The following STAU2 variants were observed in gnomAD, a reference collection of about 807,000 sequenced individuals.
The protein encoded by STAU2 is staufen double-stranded RNA binding protein 2, also known as double-stranded RNA-binding protein Staufen homolog 2.
In STAU2, 20 loss-of-function variants were observed where a neutral mutation model predicts 65.9. The observed-to-expected ratio is 0.30, with a 90% CI of 0.21 to 0.44. The LOEUF (loss-of-function observed/expected upper bound fraction) is 0.44. Among genes scored for constraint, STAU2 ranks in the 20% least tolerant of loss-of-function variants. STAU2 has a pLI of 1.00. For synonymous variants in STAU2, 232 were observed against 233.9 expected, an observed-to-expected ratio of 0.99 and a Z score of 0.07; for missense variants, 558 against 683.9, an observed-to-expected ratio of 0.82 and a Z score of 2.05.
intron 7 of STAU2, 28 bp downstream of exon 7, chr8:73,617,264 C>A: frequency 6.2e-7 from 1 of 1,605,108 alleles, no homozygotes; most frequent in South Asian, 1.1e-5. Flanking sequence ...GTAGAAAGAA[C>A]AGACTGTCAC....
intron 13 of STAU2, among the ~76,000 whole-genome samples, chr8:73,475,822 C>T (rs1206882242): frequency 1.3e-5 from 2 of 152,174 alleles, no homozygotes; most frequent in East Asian, 3.9e-4. Flanking sequence ...GACTAGAATT[C>T]AGGTTCCCTA....
intron 4 of STAU2, among the ~76,000 whole-genome samples, chr8:73,693,125 C>T (rs1037234639): frequency 6.6e-6 from 1 of 151,934 alleles, no homozygotes; most frequent in Admixed American, 6.6e-5. Flanking sequence ...TGCACAACTG[C>T]ACTCCAGCCT....
intron 13 of STAU2, among the ~76,000 whole-genome samples, chr8:73,446,579 A>T (rs1409941577): frequency 6.6e-6 from 1 of 152,218 alleles, no homozygotes; most frequent in African/African-American, 2.4e-5. Flanking sequence ...ATGCAAGGTA[A>T]AACAAGAACA....
At chr8:73,607,043 T>A (rs1385083145) in intron 9 of STAU2, among the ~76,000 whole-genome samples, 3 of 152,112 alleles carry the variant, frequency 2.0e-5, no homozygotes, top group African/African-American at 7.2e-5. Context: ...CTGGGAGGAA[T>A]GGATGGGTTC....
At chr8:73,700,657 A>G (rs1820032850) in intron 4 of STAU2, among the ~76,000 whole-genome samples, 1 of 152,054 alleles carries the variant, frequency 6.6e-6, no homozygotes, top group Non-Finnish European at 1.5e-5. Context: ...AACACTGATG[A>G]AAGAAACTGA....
In STAU2 at chr8:73,591,920, G is replaced by C. The variant is rs373896358; in HGVS notation, c.1161+3246C>G. On this transcript the variant is annotated intron_variant, in intron 11 of 14. Coordinates refer to ENST00000524300, the MANE Select transcript of STAU2 (RefSeq NM_001164380.2). ...AAAAAAAAAAAAAAAAAAAACAAGA[G>C]AGAGACAAGAAAAACCCAACTTGTC... 4.1e-3 allele frequency among the ~76,000 whole-genome samples: 351 copies of C among 86,376 alleles called. 4 individuals are homozygous for C. The highest frequency in any genetic ancestry group is 0.015 in the African/African-American group (313 of 20,524). The allele number at this position is 86,376 out of a possible 152,430, so 56.7% of individuals were successfully genotyped here.
chr8:73,669,176 C>A (rs551160796), intron 6 of STAU2: 30 of 683,296 alleles, frequency 4.4e-5, no homozygotes, highest in East Asian at 4.0e-4. Flanking sequence ...GTTAGGTCTG[C>A]GCTTCTGTGA....
intron 10 of STAU2, among the ~76,000 whole-genome samples, chr8:73,598,826 T>A (rs1272308660): frequency 6.6e-6 from 1 of 152,086 alleles, no homozygotes; most frequent in African/African-American, 2.4e-5. Flanking sequence ...AAGCTCAGTA[T>A]GAAAAAGAGG....
chr8:73,472,690 AT>A (rs1455437881), intron 13 of STAU2, among the ~76,000 whole-genome samples: 1 of 152,204 alleles, frequency 6.6e-6, no homozygotes, highest in Non-Finnish European at 1.5e-5. Flanking sequence ...AGGATGGCTC[AT>A]ATAATAGAGA....
intron 13 of STAU2, among the ~76,000 whole-genome samples, chr8:73,453,007 TTTTAA>T (rs1818882596): frequency 6.6e-6 from 1 of 152,178 alleles, no homozygotes; most frequent in African/African-American, 2.4e-5. Flanking sequence ...GTTACTGAGT[TTTTAA>T]TTTAGATCTG....
At chr8:73,683,238 C>T (rs1196919804) in intron 5 of STAU2, among the ~76,000 whole-genome samples, 1 of 152,074 alleles carries the variant, frequency 6.6e-6, no homozygotes, top group Non-Finnish European at 1.5e-5. Context: ...TAACTGAATC[C>T]AACAGCGTAT....
At chr8:73,487,034 A>C (rs180792949) in intron 13 of STAU2, among the ~76,000 whole-genome samples, 8 of 152,222 alleles carry the variant, frequency 5.3e-5, no homozygotes, top group Admixed American at 3.3e-4. Flanking sequence ...ACTATATGTA[A>C]TATTTCAAAA....
chr8:73,570,310 T>C (rs536482566), intron 12 of STAU2, among the ~76,000 whole-genome samples: 1 of 152,318 alleles, frequency 6.6e-6, no homozygotes, highest in South Asian at 2.1e-4. Context: ...TATGGGACTA[T>C]GTGAAAAGAC....
intron 13 of STAU2, among the ~76,000 whole-genome samples, chr8:73,532,656 GTC>G (rs1178181434): frequency 6.6e-6 from 1 of 152,004 alleles, no homozygotes; most frequent in Non-Finnish European, 1.5e-5. Flanking sequence ...AAAAATGAGA[GTC>G]TGGCAACTTT....
In STAU2 at chr8:73,630,673, G is replaced by A. The variant is rs1441810407; in HGVS notation, c.411-13222C>T. ...GAGTTAGTGTAGCATAGCAGAAAAAGCACGAGCTTTGATGACATATTACTC... is the reference window on the plus strand; with the variant it reads ...GAGTTAGTGTAGCATAGCAGAAAAAACACGAGCTTTGATGACATATTACTC... On this transcript the variant is annotated intron_variant, in intron 6 of 14. Transcript: ENST00000524300. Among the ~76,000 whole-genome samples, 7 of 152,148 alleles carry A rather than the reference G, an allele frequency of 4.6e-5. 1 individual carries two copies. In the South Asian group the frequency reaches 6.2e-4, roughly 14 times the overall value.
At chr8:73,448,578 C>G (rs116287369) in intron 13 of STAU2, among the ~76,000 whole-genome samples, 7 of 152,192 alleles carry the variant, frequency 4.6e-5, no homozygotes, top group Non-Finnish European at 8.8e-5. Flanking sequence ...CCACCACGCC[C>G]GGCTAGGAGA....
At chr8:73,699,451 G>C (rs1042266749) in intron 4 of STAU2, among the ~76,000 whole-genome samples, 3 of 151,026 alleles carry the variant, frequency 2.0e-5, no homozygotes, top group Non-Finnish European at 3.0e-5. Context: ...AAGAAAGAAG[G>C]CCCAAGTAAA....
chr8:73,434,315 G>C (rs949838254), intron 13 of STAU2, among the ~76,000 whole-genome samples: 16 of 151,644 alleles, frequency 1.1e-4, no homozygotes, highest in Non-Finnish European at 2.4e-4. Context: ...CCTCCAAAAA[G>C]GCAGTGCTGA....
chr8:73,449,799 G>A (rs1818694205), intron 13 of STAU2, among the ~76,000 whole-genome samples: 1 of 152,204 alleles, frequency 6.6e-6, no homozygotes, highest in Non-Finnish European at 1.5e-5. Context: ...AGGCCCAGGA[G>A]GGCTTAGGGT....
Sources: allele counts gnomAD v4.1 joint callset (sites outside exome capture counted in the v4.1 genomes callset), GRCh38; gene constraint gnomAD v4.1.1; transcripts MANE v1.5; gene names NCBI Gene and HGNC (gene_info 2026-07-23, HGNC 2026-07-21).